DNAH12: variants seen among roughly 807,000 people sequenced by gnomAD.
The protein encoded by DNAH12 is dynein axonemal heavy chain 12, also known as axonemal beta dynein heavy chain 12.
In DNAH12, 285 loss-of-function variants were observed where a neutral mutation model predicts 371.5. The observed-to-expected ratio is 0.77, with a 90% confidence interval of 0.70 to 0.85. The LOEUF (loss-of-function observed/expected upper bound fraction) is 0.85, where lower values mean the gene tolerates loss of function less well. Ranked by LOEUF, DNAH12 falls within the 40% of genes least tolerant of loss-of-function variation. The pLI is 0.00. For synonymous variants in DNAH12, 1,200 were observed against 1,213.0 expected (o/e 0.99, Z 0.22); for missense variants, 3,611 against 3,689.4 (o/e 0.98, Z 0.55).
intron 60 of DNAH12, among the ~76,000 whole-genome samples, chr3:57,349,726 G>A (rs1251229107): frequency 6.6e-6 from 1 of 152,204 alleles, no homozygotes; most frequent in Admixed American, 6.5e-5. Context: ...GTCCCACTCT[G>A]TAGCTCAAGC....
intron 22 of DNAH12, among the ~76,000 whole-genome samples, chr3:57,455,738 A>G (rs2065886358): frequency 1.3e-5 from 2 of 152,168 alleles, no homozygotes; most frequent in African/African-American, 4.8e-5. Flanking sequence ...AGGGTATACA[A>G]TTTTACAATT....
At chr3:57,447,332 G>A (rs2065538730) in intron 25 of DNAH12, among the ~76,000 whole-genome samples, 1 of 151,988 alleles carries the variant, frequency 6.6e-6, no homozygotes, top group Non-Finnish European at 1.5e-5. Flanking sequence ...ATTATTCCTG[G>A]GTCCCCACAA....
rs1418812000 is a variant in DNAH12, at chr3:57,405,830, C to T, written c.6399G>A (p.Ala2133=). Residue 2133 remains alanine (A), a synonymous_variant, in exon 41 of 74, where the codon GCG becomes GCA. Transcript: ENST00000495027. Reference sequence around the variant, plus strand: ...ACAGACGGATCATAGTGTGTTTGTTCGCCACGGCGTCTCTTTCAATGAGTA... The same window carrying T: ...ACAGACGGATCATAGTGTGTTTGTTTGCCACGGCGTCTCTTTCAATGAGTA... ...GCLLIERDAV[A]NKHTMIRLFV... The T allele has an allele frequency of 8.4e-6, 13 of 1,551,624 alleles. No individual in the cohort carries two copies. Among genetic ancestry groups the T allele is most frequent in the East Asian group, 2.4e-5 (1 of 40,920 alleles).
intron 63 of DNAH12, 29 bp downstream of exon 63, chr3:57,323,440 T>G (rs935569949): frequency 1.3e-6 from 2 of 1,503,500 alleles, no homozygotes; most frequent in Non-Finnish European, 1.8e-6. Flanking sequence ...ATTTATGATT[T>G]CTTAAAAGTT....
chr3:57,306,170 C>A (rs536660475), intron 69 of DNAH12, among the ~76,000 whole-genome samples: 2 of 152,296 alleles, frequency 1.3e-5, no homozygotes, highest in South Asian at 4.1e-4. Flanking sequence ...ACTGCCCGAT[C>A]GCCTCAGAAG....
At chr3:57,371,527 A>G (rs1395052464) in intron 55 of DNAH12, among the ~76,000 whole-genome samples, 1 of 152,032 alleles carries the variant, frequency 6.6e-6, no homozygotes, top group African/African-American at 2.4e-5. Flanking sequence ...GTTAAAAATG[A>G]TGGGAGGTGG....
In DNAH12 at chr3:57,412,904, C is replaced by A. The variant is rs528250604; in HGVS notation, c.6020+842G>T. Among the ~76,000 whole-genome samples, 32 of 152,258 alleles carry A rather than the reference C, an allele frequency of 2.1e-4. 1 individual carries two copies. In the South Asian group the frequency reaches 6.4e-3, roughly 31 times the overall value. On this transcript the variant is annotated intron_variant, in intron 39 of 73. Transcript: ENST00000495027. ...GGTTTCTTACAAAACTAAACGTATT[C>A]TTACCATATTGTTCAGCAATTGTGT...
rs546720012 is a variant in DNAH12, at chr3:57,488,820, C to T, written c.1514+689G>A. ...ATGAATTGGTTGAGCACTGGGTGAA[C>T]AAACCACAGGACATATTCCCTCTCT... On this transcript the variant is annotated intron_variant, in intron 12 of 73. Transcript: ENST00000495027. 4.6e-5 allele frequency among the ~76,000 whole-genome samples: 7 copies of T among 152,190 alleles called. No homozygotes were observed. In the South Asian group the frequency reaches 1.5e-3, roughly 32 times the overall value.
intron 34 of DNAH12, among the ~76,000 whole-genome samples, chr3:57,425,739 G>A (rs185874188): frequency 2.0e-5 from 3 of 152,122 alleles, no homozygotes; most frequent in Admixed American, 2.0e-4. Context: ...TACTGCAAGA[G>A]AATAAACAGT....
intron 32 of DNAH12, among the ~76,000 whole-genome samples, chr3:57,431,017 C>T (rs2064939227): frequency 6.6e-6 from 1 of 152,186 alleles, no homozygotes. Context: ...CTAGTAGCTA[C>T]CTTCTCAGAG....
chr3:57,461,730 A>G, intron 18 of DNAH12, 41 bp from the exon 19 acceptor site: 1 of 1,487,858 alleles, frequency 6.7e-7, no homozygotes, highest in East Asian at 2.5e-5. Context: ...TGGTGAAGAA[A>G]GGATCTTATT....
chr3:57,478,282 A>G (rs2066608264), intron 13 of DNAH12, among the ~76,000 whole-genome samples: 1 of 152,220 alleles, frequency 6.6e-6, no homozygotes, highest in Admixed American at 6.5e-5. Flanking sequence ...CGAATCCACA[A>G]GCCTCAGTAG....
intron 19 of DNAH12, among the ~76,000 whole-genome samples, chr3:57,460,081 A>G (rs2066013041): frequency 6.6e-6 from 1 of 152,038 alleles, no homozygotes; most frequent in African/African-American, 2.4e-5. Context: ...ATCCTTCTCT[A>G]CCAGCAGTGG....
At chr3:57,491,305 G>A (rs1559715865) in intron 11 of DNAH12, among the ~76,000 whole-genome samples, 1 of 151,992 alleles carries the variant, frequency 6.6e-6, no homozygotes, top group African/African-American at 2.4e-5. Context: ...AGAAATGTCA[G>A]GGTAATAGTT....
intron 2 of DNAH12, among the ~76,000 whole-genome samples, chr3:57,541,041 C>A (rs951060664): frequency 3.3e-5 from 5 of 151,426 alleles, no homozygotes; most frequent in African/African-American, 1.2e-4. Context: ...ATCTCTCCCC[C>A]TCCCTTTTAT....
At chr3:57,361,471 T>TATATATATATATATATATATATA (rs2062934544) in intron 58 of DNAH12, among the ~76,000 whole-genome samples, 3 of 141,812 alleles carry the variant, frequency 2.1e-5, no homozygotes, top group African/African-American at 8.5e-5. Flanking sequence ...TATATATATA[T>TATATATATATATATATATATATA]CTCATTCAGC....
Position 57,405,729 on chromosome 3 carries a change from G to C in DNAH12, c.6500C>G (p.Thr2167Ser). The part of the protein sequence containing the change: ...DDDRRWLFQL[T>S]KTVIKDHFKE... ...AAAATGGTCCTTTATAACAGTTTTA[G>C]TTAACTGGAACAGCCATCTTCGATC... The change falls in exon 41 of 74, where the codon ACT becomes AGT. Residue 2167 changes from threonine (T) to serine (S), a missense_variant. By Grantham distance (58) the Thr-to-Ser change is moderately conservative. Around this residue, in one of 3 missense-constraint regions of DNAH12, gnomAD observed 2,266 missense variants for 2,236.9 expected, o/e 1.01. Transcript: ENST00000495027. 1.3e-6 allele frequency: 2 copies of C among 1,551,618 alleles called. No homozygotes were observed. Among genetic ancestry groups the C allele is most frequent in the Non-Finnish European group, 8.7e-7 (1 of 1,146,972 alleles).
At chr3:57,525,847 C>G (rs1408474717) in intron 2 of DNAH12, among the ~76,000 whole-genome samples, 1 of 143,430 alleles carries the variant, frequency 7.0e-6, no homozygotes, top group Non-Finnish European at 1.5e-5. Flanking sequence ...ACCAAAACCT[C>G]TGCCACCCAG....
chr3:57,369,080 C>T (rs1238065503), intron 55 of DNAH12, among the ~76,000 whole-genome samples: 4 of 151,070 alleles, frequency 2.6e-5, no homozygotes, highest in Non-Finnish European at 5.9e-5. Flanking sequence ...ATTAGCTGGG[C>T]GCAGTGGTGG....
Sources: allele counts gnomAD v4.1 joint callset (sites outside exome capture counted in the v4.1 genomes callset), GRCh38; gene constraint gnomAD v4.1.1; regional missense constraint gnomAD v4.1.1; transcripts MANE v1.5; gene names NCBI Gene and HGNC (gene_info 2026-07-23, HGNC 2026-07-21).